The following TNR variants were observed in gnomAD, a reference collection of about 807,000 sequenced individuals.
TNR encodes tenascin R.
Under a neutral mutation model 150.4 loss-of-function variants are expected in TNR, and 45 were observed. That is an observed-to-expected ratio of 0.30 (90% CI 0.24 to 0.38). The LOEUF is 0.38. Among genes scored for constraint, TNR ranks in the 10% least tolerant of loss-of-function variants. The pLI, the probability that TNR is intolerant of heterozygous loss-of-function variation, is 1.00. For synonymous variants in TNR, 687 were observed against 678.4 expected, an observed-to-expected ratio of 1.01 and a Z score of -0.20; for missense variants, 1,544 against 1,759.1, an observed-to-expected ratio of 0.88 and a Z score of 2.19.
chr1:175,376,860 T>TTATA (rs371694471), intron 9 of TNR, among the ~76,000 whole-genome samples: 3,041 of 113,684 alleles, frequency 0.027, 96 homozygotes, highest in African/African-American at 0.087. Flanking sequence ...AAATGTAATA[T>TTATA]TATATATATA....
rs114533904 is a variant in TNR at position 175,495,998 on chromosome 1, G to A, written c.-64+32271C>T. 8.5e-3 allele frequency among the ~76,000 whole-genome samples: 1,297 copies of A among 152,246 alleles called. 22 individuals carry two copies. The highest frequency in any genetic ancestry group is 0.029 in the African/African-American group (1,221 of 41,534). Reference sequence around the variant, plus strand: ...AACACTGGATTATACTGCGGGGAGAGCCTTTCAACATCCTGCTGGCTGATG... The same window carrying A: ...AACACTGGATTATACTGCGGGGAGAACCTTTCAACATCCTGCTGGCTGATG... On this transcript the variant is annotated intron_variant, in intron 2 of 22. Transcript: ENST00000367674.
rs566426362 is a variant in TNR, at chr1:175,334,868, G to A, written c.3631+843C>T. 2.6e-5 allele frequency among the ~76,000 whole-genome samples: 4 copies of A among 152,268 alleles called. No homozygotes were observed. The East Asian group carries it at 7.7e-4, about 29-fold the overall frequency. On this transcript the variant is annotated intron_variant, in intron 20 of 22. Coordinates refer to ENST00000367674, the MANE Select transcript of TNR (RefSeq NM_003285.3). ...CAATAATGCTGTCTCAGAGAATTGGGTTTATCTGTGCAAAAGACAAGAAGA... is the reference window on the plus strand; with the variant it reads ...CAATAATGCTGTCTCAGAGAATTGGATTTATCTGTGCAAAAGACAAGAAGA...
intron 1 of TNR, among the ~76,000 whole-genome samples, chr1:175,741,463 T>A (rs1423553165): frequency 6.6e-6 from 1 of 152,220 alleles, no homozygotes; most frequent in Non-Finnish European, 1.5e-5. Flanking sequence ...TGATGTGTCA[T>A]GCAGAAATCT....
At chr1:175,335,845 A>G (rs1650221828) in intron 19 of TNR, 38 bp from the exon 20 acceptor site, 2 of 1,576,966 alleles carry the variant, frequency 1.3e-6, no homozygotes, top group Non-Finnish European at 1.7e-6. Context: ...CAAACAAACA[A>G]AAAAACAAAA....
chr1:175,465,000 C>A (rs995615471), intron 2 of TNR, among the ~76,000 whole-genome samples: 1 of 152,146 alleles, frequency 6.6e-6, no homozygotes, highest in African/African-American at 2.4e-5. Flanking sequence ...TGAGCCTGAG[C>A]AGGCCTGGAA....
At chr1:175,619,403 G>C (rs1663888913) in intron 1 of TNR, among the ~76,000 whole-genome samples, 1 of 152,158 alleles carries the variant, frequency 6.6e-6, no homozygotes, top group Admixed American at 6.5e-5. Flanking sequence ...GGTACATTAT[G>C]GAACCATTTC....
At chr1:175,627,514 G>C (rs1664190266) in intron 1 of TNR, among the ~76,000 whole-genome samples, 1 of 152,136 alleles carries the variant, frequency 6.6e-6, no homozygotes. Flanking sequence ...TCAGTTACTA[G>C]TTATGTGATT....
intron 2 of TNR, among the ~76,000 whole-genome samples, chr1:175,408,179 C>T (rs1010242275): frequency 6.6e-6 from 1 of 152,128 alleles, no homozygotes; most frequent in East Asian, 1.9e-4. Flanking sequence ...AAGTCCTTGT[C>T]GGTCAGACCG....
chr1:175,375,550 G>T (rs769743670), intron 9 of TNR, among the ~76,000 whole-genome samples: 11 of 152,104 alleles, frequency 7.2e-5, no homozygotes, highest in Non-Finnish European at 1.0e-4. Context: ...TAAAGAGGGA[G>T]GTCAAGAGGG....
chr1:175,565,082 T>G (rs16848654), intron 1 of TNR, among the ~76,000 whole-genome samples: 1,600 of 152,332 alleles, frequency 0.011, 25 homozygotes, highest in African/African-American at 0.037. Context: ...AGCAAATGTT[T>G]TAAATGGTTC....
chr1:175,710,087 A>G (rs1008438461), intron 1 of TNR, among the ~76,000 whole-genome samples: 19 of 152,150 alleles, frequency 1.2e-4, no homozygotes, highest in African/African-American at 3.9e-4. Flanking sequence ...CACTTAGGTT[A>G]TGTTAAAATA....
At chr1:175,586,685 T>G (rs1347223278) in intron 1 of TNR, among the ~76,000 whole-genome samples, 3 of 152,112 alleles carry the variant, frequency 2.0e-5, no homozygotes, top group Non-Finnish European at 2.9e-5. Flanking sequence ...CCCTCCAACC[T>G]ATGGAGAAAA....
chr1:175,349,449 G>A (rs935458513), intron 18 of TNR, among the ~76,000 whole-genome samples: 2 of 152,152 alleles, frequency 1.3e-5, no homozygotes, highest in African/African-American at 4.8e-5. Flanking sequence ...ACACGGATGG[G>A]TCTGAAAAAC....
chr1:175,515,646 C>T (rs1351439068), intron 2 of TNR, among the ~76,000 whole-genome samples: 1 of 152,136 alleles, frequency 6.6e-6, no homozygotes, highest in African/African-American at 2.4e-5. Flanking sequence ...TTGTGCATTC[C>T]TTGCTAAGAA....
At chr1:175,453,615 C>G (rs2102096207) in intron 2 of TNR, among the ~76,000 whole-genome samples, 1 of 152,168 alleles carries the variant, frequency 6.6e-6, no homozygotes, top group African/African-American at 2.4e-5. Flanking sequence ...GGCTGGAGTG[C>G]TGTGGCGTGA....
intron 1 of TNR, among the ~76,000 whole-genome samples, chr1:175,713,057 C>T (rs536570090): frequency 1.8e-4 from 27 of 152,116 alleles, no homozygotes; most frequent in Admixed American, 8.5e-4. Context: ...TAAGGAGCCT[C>T]GCAGGCCAGT....
chr1:175,530,347 T>C (rs1660015697), intron 1 of TNR, among the ~76,000 whole-genome samples: 1 of 152,130 alleles, frequency 6.6e-6, no homozygotes, highest in African/African-American at 2.4e-5. Flanking sequence ...CACACCCGCC[T>C]CTCTTTGGCT....
chr1:175,338,852 G>A (rs2101993133), intron 18 of TNR, among the ~76,000 whole-genome samples: 1 of 152,212 alleles, frequency 6.6e-6, no homozygotes, highest in South Asian at 2.1e-4. Flanking sequence ...AGGAAGAGGT[G>A]GTTAGAGTCG....
At position 175,386,229 on chromosome 1, in the gene TNR, G is replaced by A. The variant is rs1051073460; in HGVS notation, c.1580C>T (p.Pro527Leu). The A allele has an allele frequency of 2.4e-5, 39 of 1,607,702 alleles. No homozygotes were observed. Among genetic ancestry groups the A allele is most frequent in the Admixed American group, 1.7e-5 (1 of 59,764 alleles). ...DTVAFVEWIP[P>L]RAKVDFILLK... ...AAGAATGAAATCGACTTTGGCTCGA[G>A]GGGGAATCCACTCCACAAAAGCCAC... Residue 527 changes from proline to leucine, a missense_variant, in exon 8 of 23, where the codon CCT (proline) becomes CTT (leucine). Around this residue, in one of 2 missense-constraint regions of TNR, gnomAD observed 1,254 missense variants for 1,329.4 expected, o/e 0.94. Coordinates refer to ENST00000367674, the MANE Select transcript of TNR (RefSeq NM_003285.3).
Sources: gnomAD v4.1 joint callset for allele counts (sites outside exome capture counted in the v4.1 genomes callset) on GRCh38, gnomAD v4.1.1 for gene constraint, gnomAD v4.1.1 regional missense constraint, MANE v1.5 for transcripts, NCBI Gene and HGNC (gene_info 2026-07-23, HGNC 2026-07-21) for gene names.